Variants in DENND1A observed in about 807,000 individuals in gnomAD.
The protein encoded by DENND1A is DENN domain-containing protein 1A.
A neutral mutation model predicts 113.7 loss-of-function variants in DENND1A; 51 were observed. The observed-to-expected ratio is 0.45, with a 90% CI of 0.36 to 0.57. DENND1A has a LOEUF of 0.57. DENND1A is among the 20% of genes least tolerant of loss of function. The pLI, the probability that DENND1A is intolerant of heterozygous loss-of-function variation, is 0.00. For synonymous variants in DENND1A, 565 were observed against 570.8 expected (o/e 0.99, Z 0.14); for missense variants, 1,258 against 1,395.9 (o/e 0.90, Z 1.57).
At chr9:123,568,824 G>A (rs965561766) in intron 12 of DENND1A, among the ~76,000 whole-genome samples, 1 of 152,174 alleles carries the variant, frequency 6.6e-6, no homozygotes, top group Non-Finnish European at 1.5e-5. Context: ...ACAGGAAGGG[G>A]GGTGGGAAGT....
At chr9:123,916,467 G>A (rs1490707514) in intron 1 of DENND1A, among the ~76,000 whole-genome samples, 2 of 150,198 alleles carry the variant, frequency 1.3e-5, no homozygotes, top group African/African-American at 4.9e-5. Context: ...CTGCCTCTCA[G>A]GTTCAAGCAG....
intron 2 of DENND1A, among the ~76,000 whole-genome samples, chr9:123,849,727 C>A (rs544967728): frequency 6.6e-6 from 1 of 152,206 alleles, no homozygotes; most frequent in Non-Finnish European, 1.5e-5. Context: ...TGAAAACCTT[C>A]TGGAAAGAAT....
At chr9:123,491,425 C>T (rs568028413) in intron 13 of DENND1A, among the ~76,000 whole-genome samples, 1 of 152,360 alleles carries the variant, frequency 6.6e-6, no homozygotes, top group Non-Finnish European at 1.5e-5. Context: ...AAGGCTTGTT[C>T]TGGCCAGCCT....
intron 13 of DENND1A, among the ~76,000 whole-genome samples, chr9:123,557,108 C>T (rs965968757): frequency 2.0e-5 from 3 of 152,194 alleles, no homozygotes; most frequent in African/African-American, 7.2e-5. Context: ...AGGAGCGGTC[C>T]CGTGAAAGAA....
chr9:123,453,783 G>A (rs1564517587), intron 16 of DENND1A, among the ~76,000 whole-genome samples: 2 of 152,140 alleles, frequency 1.3e-5, no homozygotes, highest in African/African-American at 4.8e-5. Context: ...GACCTAGAAA[G>A]CATTCTATGT....
rs116247675 is a variant in DENND1A, at chr9:123,737,027, A to T, written c.302+20676T>A. ...AATATAATTTATTCGGTATTTTTTA[A>T]GACAAAAATTCCATTGAAGTCAATG... On this transcript the variant is annotated intron_variant, in intron 5 of 23. Coordinates refer to ENST00000394215, the MANE Select transcript of DENND1A (RefSeq NM_001352964.2). Among the ~76,000 whole-genome samples, 1,148 of 152,348 alleles carry T rather than the reference A, an allele frequency of 7.5e-3. 13 individuals are homozygous for T. The highest frequency in any genetic ancestry group is 0.027 in the African/African-American group (1,109 of 41,574).
At chr9:123,465,215 C>A (rs1204687281) in intron 13 of DENND1A, among the ~76,000 whole-genome samples, 1 of 150,376 alleles carries the variant, frequency 6.6e-6, no homozygotes, top group Non-Finnish European at 1.5e-5. Context: ...AAAAGAAAAG[C>A]TCCTGTATCA....
intron 2 of DENND1A, among the ~76,000 whole-genome samples, chr9:123,812,419 G>C (rs1051406812): frequency 6.6e-6 from 1 of 151,070 alleles, no homozygotes; most frequent in Non-Finnish European, 1.5e-5. Flanking sequence ...AGGTTTTAAG[G>C]ATTTTTCAGT....
At chr9:123,719,039 TTC>T (rs1406055190) in intron 5 of DENND1A, among the ~76,000 whole-genome samples, 2 of 152,194 alleles carry the variant, frequency 1.3e-5, no homozygotes. Context: ...TTGGTTCTCA[TTC>T]TCTCTCTTGC....
At chr9:123,823,583 G>T (rs1838843157) in intron 2 of DENND1A, among the ~76,000 whole-genome samples, 1 of 152,188 alleles carries the variant, frequency 6.6e-6, no homozygotes, top group African/African-American at 2.4e-5. Flanking sequence ...AAGCAAAAAG[G>T]AGTAAAAGGT....
chr9:123,574,677 T>G (rs2058540802), intron 12 of DENND1A, among the ~76,000 whole-genome samples: 2 of 152,280 alleles, frequency 1.3e-5, no homozygotes, highest in South Asian at 4.1e-4. Flanking sequence ...TTGTTTCTGG[T>G]TGGGCCGGCA....
At chr9:123,906,122 C>A (rs1373495344) in intron 1 of DENND1A, among the ~76,000 whole-genome samples, 12 of 151,938 alleles carry the variant, frequency 7.9e-5, no homozygotes, top group East Asian at 5.8e-4. Flanking sequence ...ATACATAACG[C>A]AATGAAGGCA....
chr9:123,384,026 G>A (rs2042428334), intron 22 of DENND1A, 113 bp from the exon 23 acceptor site: 2 of 1,407,136 alleles, frequency 1.4e-6, no homozygotes, highest in African/African-American at 1.4e-5. Context: ...GGGCCTGCGG[G>A]ACAGGAGAGT....
In DENND1A at chr9:123,411,776, G is replaced by A. The variant is rs763448543; in HGVS notation, c.1542C>T (p.Pro514=). The A allele has an allele frequency of 3.9e-4, 384 of 985,838 alleles. 2 individuals are homozygous for A. The highest frequency in any genetic ancestry group is 1.8e-4 in the Admixed American group (3 of 16,270). 61.1% of individuals were successfully genotyped at this position (985,838 alleles called of 1,614,324 possible). Residue 514 remains proline, a splice_region_variant and synonymous_variant, in exon 20 of 24, where the codon CCC becomes CCT. Coordinates refer to ENST00000394215, the MANE Select transcript of DENND1A (RefSeq NM_001352964.2). ...RPPPKIQRSR[P]VRPPRPHVVK... ...GAGGGCAGAACCACCAGCTACTCACGGGCCTCGAGCGCTGTATCTTGGGAG... is the reference window on the plus strand; with the variant it reads ...GAGGGCAGAACCACCAGCTACTCACAGGCCTCGAGCGCTGTATCTTGGGAG...
At chr9:123,484,104 C>T (rs1313329632) in intron 13 of DENND1A, among the ~76,000 whole-genome samples, 6 of 152,186 alleles carry the variant, frequency 3.9e-5, no homozygotes, top group African/African-American at 1.4e-4. Context: ...GAAACCTGTG[C>T]TCCTATCCTG....
intron 5 of DENND1A, among the ~76,000 whole-genome samples, chr9:123,733,147 A>G (rs1391659261): frequency 1.3e-5 from 2 of 151,984 alleles, no homozygotes; most frequent in Non-Finnish European, 2.9e-5. Flanking sequence ...ACACTCGGCT[A>G]ATTTTGTATT....
chr9:123,509,296 G>A (rs1564622531), intron 13 of DENND1A, among the ~76,000 whole-genome samples: 2 of 152,228 alleles, frequency 1.3e-5, no homozygotes, highest in African/African-American at 4.8e-5. Flanking sequence ...CAGAAAGCAC[G>A]AGATGGGACA....
chr9:123,496,797 G>T (rs1438152780), intron 13 of DENND1A, among the ~76,000 whole-genome samples: 1 of 152,264 alleles, frequency 6.6e-6, no homozygotes, highest in Non-Finnish European at 1.5e-5. Context: ...CACGTAGGGG[G>T]AAAACCGCAG....
chr9:123,723,739 CTG>C (rs953959860), intron 5 of DENND1A, among the ~76,000 whole-genome samples: 1 of 152,176 alleles, frequency 6.6e-6, no homozygotes, highest in African/African-American at 2.4e-5. Flanking sequence ...CCACGCAGAA[CTG>C]TAAATCCATT....
Sources: gnomAD v4.1 joint callset for allele counts (sites outside exome capture counted in the v4.1 genomes callset) on GRCh38, gnomAD v4.1.1 for gene constraint, MANE v1.5 for transcripts, NCBI Gene and HGNC (gene_info 2026-07-23, HGNC 2026-07-21) for gene names.